MDM1: variants seen among roughly 807,000 people sequenced by gnomAD.
MDM1 encodes stabilizer of axonemal microtubules 6.
Under a neutral mutation model 89.1 loss-of-function variants are expected in MDM1, and 61 were observed. The observed-to-expected ratio is 0.68, with a 90% CI of 0.56 to 0.85. MDM1 has a LOEUF of 0.85. MDM1 is among the 40% of genes least tolerant of loss of function. MDM1 has a pLI of 0.00. For synonymous variants in MDM1, 290 were observed against 294.1 expected (o/e 0.99, Z 0.14); for missense variants, 820 against 846.5 (o/e 0.97, Z 0.39).
At chr12:68,308,748 A>G (rs1873270970) in intron 12 of MDM1, among the ~76,000 whole-genome samples, 2 of 151,994 alleles carry the variant, frequency 1.3e-5, no homozygotes, top group Non-Finnish European at 2.9e-5. Flanking sequence ...GAGCCTATTA[A>G]ATATTGAATT....
chr12:68,321,129 A>T (rs1002301116), intron 7 of MDM1: 2 of 402,912 alleles, frequency 5.0e-6, no homozygotes, highest in African/African-American at 4.1e-5. Flanking sequence ...CATTAAACTT[A>T]AAAGACCTCA....
Position 68,313,994 on chromosome 12 carries a change from G to C in MDM1, c.1530-241C>G, listed in dbSNP as rs1160896128. ...TAAAAACACAAAAACAAAATTAGCTGGGTGTGGTGGCGGGCACCTGTAGTC... is the reference window on the plus strand; with the variant it reads ...TAAAAACACAAAAACAAAATTAGCTCGGTGTGGTGGCGGGCACCTGTAGTC... On this transcript the variant is annotated intron_variant, in intron 10 of 14. Coordinates refer to ENST00000682720, the MANE Select transcript of MDM1 (RefSeq NM_001354969.2). 2.6e-5 allele frequency among the ~76,000 whole-genome samples: 4 copies of C among 152,034 alleles called. No individual in the cohort carries two copies. In the East Asian group the frequency reaches 7.7e-4, roughly 29 times the overall value.
chr12:68,297,635 C>T (rs142048462), intron 13 of MDM1, among the ~76,000 whole-genome samples: 241 of 152,246 alleles, frequency 1.6e-3, no homozygotes, highest in Middle Eastern at 0.01. Flanking sequence ...ATTTGCACAG[C>T]TGGGTAGTTC....
chr12:68,322,954 C>G (rs939045320), intron 5 of MDM1, 119 bp downstream of exon 5: 27 of 876,890 alleles, frequency 3.1e-5, no homozygotes, highest in Non-Finnish European at 4.5e-5. Flanking sequence ...ATTTGATGAA[C>G]AAATGAATTA....
At chr12:68,329,877 C>T (rs1876538955) in intron 2 of MDM1, among the ~76,000 whole-genome samples, 1 of 152,224 alleles carries the variant, frequency 6.6e-6, no homozygotes, top group African/African-American at 2.4e-5. Context: ...ATAACAAGAA[C>T]ATGACCTCTG....
At chr12:68,319,588 A>C (rs1294226370) in intron 7 of MDM1, among the ~76,000 whole-genome samples, 1 of 152,206 alleles carries the variant, frequency 6.6e-6, no homozygotes. Context: ...TATAAGTAAA[A>C]CATGGCTCAT....
chr12:68,305,637 T>C lies in MDM1; in HGVS notation c.1750-2765A>G, dbSNP rs571088498. ...TTCAAGCTAACAACCAAATCAAGGA[T>C]ACAGTCCTGTTACAATGGCCCCCCA... On this transcript the variant is annotated intron_variant, in intron 12 of 14. Coordinates refer to ENST00000682720, the MANE Select transcript of MDM1 (RefSeq NM_001354969.2). Among the ~76,000 whole-genome samples, 6 of 152,158 alleles carry C rather than the reference T, an allele frequency of 3.9e-5. No homozygotes were observed. In the South Asian group the frequency reaches 1.0e-3, roughly 26 times the overall value.
intron 13 of MDM1, among the ~76,000 whole-genome samples, chr12:68,300,916 A>G (rs1282863792): frequency 6.6e-6 from 1 of 152,220 alleles, no homozygotes; most frequent in African/African-American, 2.4e-5. Context: ...ATGACAAGCC[A>G]CAGACAAGTC....
chr12:68,309,194 C>T (rs1873351832), intron 12 of MDM1, among the ~76,000 whole-genome samples: 1 of 152,222 alleles, frequency 6.6e-6, no homozygotes, highest in African/African-American at 2.4e-5. Flanking sequence ...TACCAGGCTC[C>T]CTGCCACACA....
intron 4 of MDM1, among the ~76,000 whole-genome samples, chr12:68,324,463 A>G (rs74100608): frequency 6.4e-4 from 98 of 152,272 alleles, no homozygotes; most frequent in African/African-American, 2.4e-3. Context: ...TATAAATTTC[A>G]AAGGTATTTT....
intron 12 of MDM1, 108 bp from the exon 13 acceptor site, chr12:68,302,980 A>C: frequency 4.1e-5 from 39 of 959,746 alleles, no homozygotes; most frequent in East Asian, 1.1e-4. Flanking sequence ...AGAAGGAGAA[A>C]TATGAGAGAA....
At chr12:68,328,106 C>A (rs573070244) in intron 2 of MDM1, among the ~76,000 whole-genome samples, 4 of 152,260 alleles carry the variant, frequency 2.6e-5, no homozygotes, top group Admixed American at 1.3e-4. Context: ...CCAGTGCGTC[C>A]GCCCAAGGTA....
intron 4 of MDM1, 113 bp from the exon 5 acceptor site, chr12:68,323,353 T>C: frequency 1.5e-6 from 1 of 685,358 alleles, no homozygotes; most frequent in South Asian, 2.2e-5. Flanking sequence ...AATAGCAAAG[T>C]TATATATGAT....
chr12:68,310,067 T>C (rs1873474577), intron 12 of MDM1, among the ~76,000 whole-genome samples: 1 of 152,208 alleles, frequency 6.6e-6, no homozygotes, highest in Admixed American at 6.5e-5. Flanking sequence ...ACCTCCTGGG[T>C]TGAAGTGATT....
intron 9 of MDM1, 118 bp from the exon 10 acceptor site, chr12:68,315,383 A>G: frequency 1.1e-6 from 1 of 924,734 alleles, no homozygotes; most frequent in Admixed American, 2.6e-5. Flanking sequence ...TTTTCCATAG[A>G]TATTGCCTTG....
intron 2 of MDM1, among the ~76,000 whole-genome samples, chr12:68,327,738 A>T (rs565225260): frequency 1.3e-5 from 2 of 152,276 alleles, no homozygotes; most frequent in Admixed American, 1.3e-4. Context: ...GGTGGAAAGA[A>T]AATTGGGCAT....
chr12:68,312,990 CTTTA>C (rs949427010), intron 12 of MDM1, among the ~76,000 whole-genome samples: 1 of 152,138 alleles, frequency 6.6e-6, no homozygotes, highest in Non-Finnish European at 1.5e-5. Flanking sequence ...ACTTCAGCAG[CTTTA>C]TTTTTCTCCT....
intron 2 of MDM1, 90 bp from the exon 3 acceptor site, chr12:68,327,111 T>C: frequency 6.8e-7 from 1 of 1,462,376 alleles, no homozygotes; most frequent in East Asian, 2.4e-5. Flanking sequence ...AGAAATGAAA[T>C]TTTAAATTTA....
At chr12:68,309,663 T>A (rs1465866987) in intron 12 of MDM1, among the ~76,000 whole-genome samples, 1 of 152,240 alleles carries the variant, frequency 6.6e-6, no homozygotes, top group Non-Finnish European at 1.5e-5. Context: ...ATGAGAATTC[T>A]ACCCTAAAGT....
Sources: allele counts gnomAD v4.1 joint callset (sites outside exome capture counted in the v4.1 genomes callset), GRCh38; gene constraint gnomAD v4.1.1; transcripts MANE v1.5; gene names NCBI Gene and HGNC (gene_info 2026-07-23, HGNC 2026-07-21).